SYNE1: variants seen among roughly 807,000 people sequenced by gnomAD.
The protein encoded by SYNE1 is spectrin repeat containing nuclear envelope protein 1.
In SYNE1, 616 loss-of-function variants were observed where a neutral mutation model predicts 1,111.0. The observed-to-expected ratio is 0.55, with a 90% confidence interval of 0.52 to 0.59. SYNE1 has a LOEUF of 0.59. Among genes scored for constraint, SYNE1 ranks in the 20% least tolerant of loss-of-function variants. The pLI is 0.00. For missense variants in SYNE1, 10,006 were observed against 10,417.0 expected (o/e 0.96, Z 1.72); for synonymous variants, 3,855 against 3,825.8 (o/e 1.01, Z -0.28).
intron 4 of SYNE1, among the ~76,000 whole-genome samples, chr6:152,536,343 A>T (rs1417939879): frequency 1.6e-5 from 2 of 121,394 alleles, no homozygotes; most frequent in Non-Finnish European, 1.8e-5. Flanking sequence ...ATATATATAT[A>T]ACTATATATA....
chr6:152,514,482 G>A (rs548402494), intron 6 of SYNE1, among the ~76,000 whole-genome samples: 1 of 152,136 alleles, frequency 6.6e-6, no homozygotes, highest in East Asian at 1.9e-4. Flanking sequence ...CTGTCACGGG[G>A]TAGGGGACTA....
chr6:152,248,613 T>C (rs552434079), intron 105 of SYNE1, among the ~76,000 whole-genome samples: 1 of 152,320 alleles, frequency 6.6e-6, no homozygotes, highest in African/African-American at 2.4e-5. Flanking sequence ...CTTTCATTTA[T>C]CTTAAATTCA....
chr6:152,480,131 C>G (rs1484222667), intron 14 of SYNE1, among the ~76,000 whole-genome samples: 1 of 152,176 alleles, frequency 6.6e-6, no homozygotes, highest in Non-Finnish European at 1.5e-5. Flanking sequence ...TATTGCATCT[C>G]CAAGTGAGCC....
At chr6:152,475,804 A>G (rs1175359885) in intron 14 of SYNE1, among the ~76,000 whole-genome samples, 2 of 152,226 alleles carry the variant, frequency 1.3e-5, no homozygotes, top group African/African-American at 4.8e-5. Flanking sequence ...AATGGTCTTT[A>G]TAAGAACTTG....
At chr6:152,315,097 A>ACTT (rs2095671863) in intron 87 of SYNE1, 1 of 151,352 alleles carries the variant, frequency 6.6e-6, no homozygotes, top group Admixed American at 6.6e-5. Context: ...TTTTCTTTAA[A>ACTT]CTTTCACTAC....
chr6:152,615,768 G>A (rs2099644228), intron 3 of SYNE1, among the ~76,000 whole-genome samples: 1 of 152,166 alleles, frequency 6.6e-6, no homozygotes, highest in Non-Finnish European at 1.5e-5. Context: ...AATGATCTCA[G>A]AATATCTGAC....
At chr6:152,185,663 G>A (rs191869652) in intron 128 of SYNE1, among the ~76,000 whole-genome samples, 1 of 152,326 alleles carries the variant, frequency 6.6e-6, no homozygotes, top group East Asian at 1.9e-4. Flanking sequence ...AAAACACTAT[G>A]TATTCCGTTT....
intron 3 of SYNE1, among the ~76,000 whole-genome samples, chr6:152,613,840 C>CTTTGACA (rs2128820742): frequency 6.6e-6 from 1 of 152,264 alleles, no homozygotes; most frequent in South Asian, 2.1e-4. Flanking sequence ...CACACATCTA[C>CTTTGACA]AACCATCTGA....
intron 145 of SYNE1, among the ~76,000 whole-genome samples, chr6:152,124,944 T>TC (rs1401934547): frequency 6.6e-6 from 1 of 152,206 alleles, no homozygotes; most frequent in Non-Finnish European, 1.5e-5. Context: ...TGTCATTTAA[T>TC]CCCCACAGCA....
intron 6 of SYNE1, among the ~76,000 whole-genome samples, chr6:152,516,745 A>ATTTG (rs200401178): frequency 0.026 from 3,994 of 151,790 alleles, 194 homozygotes; most frequent in African/African-American, 0.092. Flanking sequence ...CATCTGGCTA[A>ATTTG]TTTGTTTGTT....
intron 130 of SYNE1, among the ~76,000 whole-genome samples, chr6:152,172,232 C>T (rs1385001206): frequency 6.6e-6 from 1 of 152,000 alleles, no homozygotes; most frequent in African/African-American, 2.4e-5. Context: ...TTATTTGGGA[C>T]TGACGAAAGT....
Position 152,218,090 on chromosome 6 carries a change from G to A in SYNE1, c.22191+167C>T, listed in dbSNP as rs9479270. On this transcript the variant is annotated intron_variant, in intron 121 of 145. Coordinates refer to ENST00000367255, the MANE Select transcript of SYNE1 (RefSeq NM_182961.4). ...TGCCCCTATAATCCTAGCTACTCGG[G>A]AGGATGAGGCAGAATCGCTTGAACC... Among the ~76,000 whole-genome samples, 8,530 of 151,930 alleles carry A rather than the reference G, an allele frequency of 0.056. 831 individuals carry two copies. Among genetic ancestry groups the A allele is most frequent in the African/African-American group, 0.2 (8,117 of 41,354 alleles).
At chr6:152,442,278 T>C (rs200800714) in intron 30 of SYNE1, 33 bp from the exon 31 acceptor site, 5 of 1,610,226 alleles carry the variant, frequency 3.1e-6, no homozygotes, top group Admixed American at 1.7e-5. Flanking sequence ...TGGATATAAA[T>C]TGTGCTCTCT....
At chr6:152,440,890 A>G (rs1006343358) in intron 32 of SYNE1, among the ~76,000 whole-genome samples, 1 of 152,122 alleles carries the variant, frequency 6.6e-6, no homozygotes, top group Non-Finnish European at 1.5e-5. Flanking sequence ...TAAAAACTCT[A>G]TACACATCTA....
Position 152,345,082 on chromosome 6 carries a change from T to C in SYNE1, c.12079-855A>G, listed in dbSNP as rs1184122691. On this transcript the variant is annotated intron_variant, in intron 73 of 145. Transcript: ENST00000367255. The stretch of plus-strand genomic sequence containing the variant: ...ATTGGGTTTATCCCTTATTTATTCT[T>C]ATTCCAAGCAGAATTTTTAAAAGAA... Among the ~76,000 whole-genome samples, 4 of 152,218 alleles carry C rather than the reference T, an allele frequency of 2.6e-5. No homozygotes were observed. In the East Asian group the frequency reaches 5.8e-4, roughly 22 times the overall value.
At position 152,330,954 on chromosome 6, in the gene SYNE1, C is replaced by A; in HGVS notation, c.13731G>T (p.Trp4577Cys). The A allele has an allele frequency of 6.8e-6, 11 of 1,614,134 alleles. No individual in the cohort carries two copies. Among genetic ancestry groups the A allele is most frequent in the Non-Finnish European group, 9.3e-6 (11 of 1,180,020 alleles). ...FKEDFDKACH[W>C]LKQADIVTFP... is the part of the protein sequence containing the mutation. Reference sequence around the variant, plus strand: ...ATGTAACAATATCTGCTTGTTTTAGCCAGTGGCAAGCTTTATCAAAATCTT... The same window carrying A: ...ATGTAACAATATCTGCTTGTTTTAGACAGTGGCAAGCTTTATCAAAATCTT... The change falls in exon 78 of 146, where the codon TGG becomes TGT. Residue 4577 changes from tryptophan to cysteine, a missense_variant. Transcript: ENST00000367255.
At chr6:152,524,744 A>G (rs569961571) in intron 5 of SYNE1, among the ~76,000 whole-genome samples, 4 of 152,224 alleles carry the variant, frequency 2.6e-5, no homozygotes, top group South Asian at 4.1e-4. Context: ...CTAACAAAGG[A>G]TGTGCTATTG....
chr6:152,419,147 G>T (rs550167781), intron 40 of SYNE1, among the ~76,000 whole-genome samples: 4 of 152,064 alleles, frequency 2.6e-5, no homozygotes, highest in African/African-American at 9.7e-5. Context: ...CCCTCCATAT[G>T]CATAATTTAT....
At chr6:152,542,628 G>T (rs1044129355) in intron 3 of SYNE1, among the ~76,000 whole-genome samples, 18 of 152,024 alleles carry the variant, frequency 1.2e-4, no homozygotes, top group African/African-American at 1.7e-4. Flanking sequence ...CAGCAGCACA[G>T]CCATGTTGTA....
Sources: allele counts gnomAD v4.1 joint callset (sites outside exome capture counted in the v4.1 genomes callset), GRCh38; gene constraint gnomAD v4.1.1; transcripts MANE v1.5; gene names NCBI Gene and HGNC (gene_info 2026-07-23, HGNC 2026-07-21).